Variants in ABCC8 observed in about 807,000 individuals in gnomAD.
ABCC8 encodes the protein ATP-binding cassette sub-family C member 8.
ABCC8 carries 137 observed loss-of-function variants against 188.0 expected under a neutral mutation model. The observed-to-expected ratio is 0.73, with a 90% CI of 0.63 to 0.84. The LOEUF is 0.84. Ranked by LOEUF, ABCC8 falls within the 40% of genes least tolerant of loss-of-function variation. ABCC8 has a pLI of 0.00. For missense variants in ABCC8, 1,750 were observed against 2,072.7 expected (o/e 0.84, Z 3.02); for synonymous variants, 797 against 846.5 (o/e 0.94, Z 1.01).
intron 5 of ABCC8, chr11:17,461,238 C>T: frequency 2.5e-6 from 1 of 404,536 alleles, no homozygotes; most frequent in Non-Finnish European, 4.7e-6. Flanking sequence ...CAAGTGAACA[C>T]TCCAACCTTT....
At chr11:17,424,997 G>A (rs1401398648) in intron 16 of ABCC8, among the ~76,000 whole-genome samples, 1 of 152,222 alleles carries the variant, frequency 6.6e-6, no homozygotes, top group Non-Finnish European at 1.5e-5. Context: ...ATAAATATTG[G>A]TTACTTTCTT....
rs1006854380 is a variant in ABCC8 at position 17,404,713 on chromosome 11, G to C, written c.3400-44C>G. On this transcript the variant is annotated intron_variant, in intron 27 of 38. Coordinates refer to ENST00000389817, the MANE Select transcript of ABCC8 (RefSeq NM_000352.6). The surrounding 1 kb of genome is among the most constrained non-coding windows in gnomAD (Gnocchi z 4.7). Reference sequence around the variant, plus strand: ...AGAGAGTGAGGTGAATTTTGGTATTGACTGTGTTTAGAGTGCTACTGGCCG... The same window carrying C: ...AGAGAGTGAGGTGAATTTTGGTATTCACTGTGTTTAGAGTGCTACTGGCCG... The C allele has an allele frequency of 1.3e-6, 2 of 1,566,392 alleles. No homozygotes were observed. Among genetic ancestry groups the C allele is most frequent in the African/African-American group, 1.4e-5 (1 of 73,770 alleles).
chr11:17,415,513 G>A, intron 17 of ABCC8, 174 bp from the exon 18 acceptor site: 1 of 937,848 alleles, frequency 1.1e-6, no homozygotes, highest in African/African-American at 1.8e-5. Context: ...TGCCCATCTT[G>A]GGGAAGCCTC....
chr11:17,395,318 C>A, intron 35 of ABCC8, 43 bp from the exon 36 acceptor site: 4 of 1,553,638 alleles, frequency 2.6e-6, no homozygotes, highest in Non-Finnish European at 3.5e-6. Flanking sequence ...GGAGCAGGGT[C>A]CTGCCTGCAT....
chr11:17,474,815 G>C, intron 2 of ABCC8, 71 bp downstream of exon 2: 1 of 1,507,938 alleles, frequency 6.6e-7, no homozygotes, highest in Non-Finnish European at 9.2e-7. Flanking sequence ...GGTGAGCTAG[G>C]ATCTCCTTGG....
intron 16 of ABCC8, among the ~76,000 whole-genome samples, chr11:17,418,471 C>T (rs958023309): frequency 6.6e-6 from 1 of 152,190 alleles, no homozygotes; most frequent in East Asian, 1.9e-4. Flanking sequence ...TTCATATTCC[C>T]TAACCATCAG....
chr11:17,399,753 C>T (rs537002411), intron 29 of ABCC8, among the ~76,000 whole-genome samples: 1 of 152,320 alleles, frequency 6.6e-6, no homozygotes, highest in African/African-American at 2.4e-5. Context: ...CTGGCACTAT[C>T]AATAAATATT....
chr11:17,395,248 G>A lies in ABCC8; in HGVS notation c.4335C>T (p.Cys1445=), dbSNP rs1365148057. ...IRFNLDPERK[C]SDSTLWEALE... is the part of the protein sequence containing the mutation. Reference sequence around the variant, plus strand: ...GGGCCTCCCACAGTGTGCTATCTGAGCACTTCCTCTCAGGGTCCAGGTTAA... The same window carrying A: ...GGGCCTCCCACAGTGTGCTATCTGAACACTTCCTCTCAGGGTCCAGGTTAA... The change falls in exon 36 of 39, where the codon TGC becomes TGT. Residue 1445 remains cysteine (C), a synonymous_variant. Coordinates refer to ENST00000389817, the MANE Select transcript of ABCC8 (RefSeq NM_000352.6). 1 of 1,597,678 alleles carries A rather than the reference G, an allele frequency of 6.3e-7. No homozygotes were observed. Among genetic ancestry groups the A allele is most frequent in the Non-Finnish European group, 8.5e-7 (1 of 1,170,902 alleles).
chr11:17,453,372 C>T (rs1055667733), intron 6 of ABCC8, 89 bp from the exon 7 acceptor site: 1 of 1,553,914 alleles, frequency 6.4e-7, no homozygotes, highest in Non-Finnish European at 8.8e-7. Flanking sequence ...GGACCACGGC[C>T]ATCATTATTA....
At chr11:17,426,950 C>A in intron 16 of ABCC8, 99 bp downstream of exon 16, 1 of 1,384,320 alleles carries the variant, frequency 7.2e-7, no homozygotes, top group Non-Finnish European at 9.9e-7. Context: ...TCACTGAACA[C>A]AGAGTGGGCC....
chr11:17,396,857 C>T, intron 33 of ABCC8, 59 bp downstream of exon 33: 1 of 1,601,038 alleles, frequency 6.2e-7, no homozygotes, highest in Non-Finnish European at 8.5e-7. Flanking sequence ...CAGCTCCGTG[C>T]ATGCCCCATC....
intron 10 of ABCC8, among the ~76,000 whole-genome samples, chr11:17,441,150 T>A (rs1956301941): frequency 1.3e-5 from 2 of 152,014 alleles, no homozygotes; most frequent in Non-Finnish European, 1.5e-5. Context: ...ATTCTACTCC[T>A]TTCAGAGCCC....
At chr11:17,399,275 C>CAAAAAAAAA (rs57138230) in intron 29 of ABCC8, among the ~76,000 whole-genome samples, 6 of 58,542 alleles carry the variant, frequency 1.0e-4, no homozygotes, top group Non-Finnish European at 1.4e-4. Context: ...GACTCTGCCT[C>CAAAAAAAAA]AAAAAAAAAA....
In ABCC8 at chr11:17,442,893, C is replaced by G. The variant is rs542875010; in HGVS notation, c.1468-11G>C. The G allele has an allele frequency of 6.2e-7, 1 of 1,610,578 alleles. No homozygotes were observed. Among genetic ancestry groups the G allele is most frequent in the South Asian group, 1.1e-5 (1 of 91,048 alleles). ...CTCATTGGAATACTCCTGCAGGGGT[C>G]CCCGAGTCAGAGGGGAGAGGCTTCT... On this transcript the variant is annotated splice_polypyrimidine_tract_variant and intron_variant, in intron 9 of 38. Transcript: ENST00000389817.
chr11:17,428,101 GCTGACC>G lies in ABCC8; in HGVS notation c.2041-165_2041-160del. 5 of 1,575,858 alleles carry G rather than the reference GCTGACC, an allele frequency of 3.2e-6. No homozygotes were observed. In the South Asian group the frequency reaches 5.8e-5, roughly 18 times the overall value. On this transcript the variant is annotated intron_variant, in intron 14 of 38. Coordinates refer to ENST00000389817, the MANE Select transcript of ABCC8 (RefSeq NM_000352.6). ...GGGAGTGGGAGACTGGCCTTCTCAT[GCTGACC>G]CTTGCCTAAGGCTGGGGGTCCCCCC...
intron 19 of ABCC8, among the ~76,000 whole-genome samples, chr11:17,413,795 T>C (rs1954933619): frequency 6.6e-6 from 1 of 152,194 alleles, no homozygotes; most frequent in Non-Finnish European, 1.5e-5. Context: ...CTTGGGGCAC[T>C]GCAGGGAAAA....
At chr11:17,470,058 A>C (rs1393727882) in intron 3 of ABCC8, 43 bp downstream of exon 3, 1 of 1,604,952 alleles carries the variant, frequency 6.2e-7, no homozygotes, top group Non-Finnish European at 8.5e-7. Flanking sequence ...TTATCTGAAG[A>C]AATGAATGAA....
chr11:17,476,477 C>A, intron 1 of ABCC8, 152 bp downstream of exon 1: 1 of 867,032 alleles, frequency 1.2e-6, no homozygotes, highest in Non-Finnish European at 1.7e-6. Context: ...AGTGCGGGGA[C>A]CGGCGGGCAG....
intron 16 of ABCC8, among the ~76,000 whole-genome samples, chr11:17,425,185 G>A (rs375632750): frequency 3.0e-4 from 45 of 152,260 alleles, no homozygotes; most frequent in Admixed American, 1.9e-3. Context: ...AAATAAAATG[G>A]CGAATGGAGG....
Sources: allele counts gnomAD v4.1 joint callset (sites outside exome capture counted in the v4.1 genomes callset), GRCh38; gene constraint gnomAD v4.1.1; non-coding constraint Gnocchi (gnomAD v3.1); transcripts MANE v1.5; gene names NCBI Gene and HGNC (gene_info 2026-07-23, HGNC 2026-07-21).